The following NAV2 variants were observed in gnomAD, a reference collection of about 807,000 sequenced individuals.
The protein encoded by NAV2 is neuron navigator 2.
Under a neutral mutation model 223.2 loss-of-function variants are expected in NAV2, and 54 were observed. The ratio of observed to expected loss-of-function variants is 0.24; its 90% confidence interval spans 0.19 to 0.30. The LOEUF (loss-of-function observed/expected upper bound fraction) is 0.30. NAV2 is among the 10% of genes least tolerant of loss of function. The probability of loss-of-function intolerance (pLI) is 1.00; values close to 1 mark genes in which losing one functional copy is unlikely to be tolerated. For missense variants in NAV2, 2,806 were observed against 3,147.5 expected, an observed-to-expected ratio of 0.89 and a Z score of 2.60; for synonymous variants, 1,279 against 1,239.3, an observed-to-expected ratio of 1.03 and a Z score of -0.67.
chr11:19,657,130 G>A (rs913863848), intron 1 of NAV2, among the ~76,000 whole-genome samples: 56 of 152,126 alleles, frequency 3.7e-4, no homozygotes, highest in African/African-American at 1.3e-3. Context: ...GAGGCTGGGG[G>A]TGTATTAAAA....
At chr11:19,831,938 A>C (rs900832776) in intron 1 of NAV2, among the ~76,000 whole-genome samples, 5 of 152,188 alleles carry the variant, frequency 3.3e-5, no homozygotes, top group Non-Finnish European at 7.3e-5. Flanking sequence ...GCCATAAATA[A>C]CTTCACTCAC....
chr11:19,421,100 C>T lies in NAV2; in HGVS notation c.75+70073C>T, dbSNP rs1850591020. 2.0e-5 allele frequency among the ~76,000 whole-genome samples: 3 copies of T among 152,294 alleles called. No homozygotes were observed. In the South Asian group the frequency reaches 6.2e-4, roughly 32 times the overall value. On this transcript the variant is annotated intron_variant, in intron 1 of 37. Coordinates refer to the NAV2 transcript ENST00000360655. ...GGCCTTGGCTTTGATGCTGTGGCTG[C>T]TGGTGGAGGGGTCATAGTCGATGGA...
chr11:20,108,229 A>C (rs1384139443), intron 36 of NAV2, among the ~76,000 whole-genome samples: 1 of 152,194 alleles, frequency 6.6e-6, no homozygotes, highest in Non-Finnish European at 1.5e-5. Context: ...AGAAAAAATG[A>C]GGCTCAAAGA....
intron 1 of NAV2, among the ~76,000 whole-genome samples, chr11:19,820,192 G>A (rs1188301023): frequency 2.6e-5 from 4 of 152,242 alleles, no homozygotes; most frequent in African/African-American, 9.6e-5. Flanking sequence ...CTTAGGTGTG[G>A]CTGCCCTGTC....
intron 10 of NAV2, among the ~76,000 whole-genome samples, chr11:19,965,993 C>T (rs778927221): frequency 1.3e-5 from 2 of 152,204 alleles, no homozygotes; most frequent in Non-Finnish European, 2.9e-5. Flanking sequence ...CTCCACATGG[C>T]GTGGCTTCCT....
At chr11:19,766,101 T>C (rs562308885) in intron 1 of NAV2, among the ~76,000 whole-genome samples, 1 of 152,002 alleles carries the variant, frequency 6.6e-6, no homozygotes, top group South Asian at 2.1e-4. Flanking sequence ...AATATATCCA[T>C]ATAAGGACAA....
intron 1 of NAV2, among the ~76,000 whole-genome samples, chr11:19,404,373 TCTTGCCTA>T (rs1327755794): frequency 1.3e-5 from 2 of 152,186 alleles, no homozygotes; most frequent in African/African-American, 2.4e-5. Flanking sequence ...ACGTCAGGCT[TCTTGCCTA>T]CTGGTGAGTT....
rs2058936331 is a variant in NAV2, at chr11:19,813,356, T to C, written c.268-19128T>C. 2.0e-5 allele frequency among the ~76,000 whole-genome samples: 3 copies of C among 152,190 alleles called. No homozygotes were observed. In the South Asian group the frequency reaches 6.2e-4, roughly 32 times the overall value. ...GTGAAGTTTGCACAGTCCCTTGGCC[T>C]AGAGCTTCATGCCCAGCTTTTGCCA... is the stretch of plus-strand genomic sequence containing the variant. On this transcript the variant is annotated intron_variant, in intron 1 of 37. Transcript: ENST00000349880.
At chr11:19,655,268 A>G (rs2048086649) in intron 1 of NAV2, among the ~76,000 whole-genome samples, 1 of 152,236 alleles carries the variant, frequency 6.6e-6, no homozygotes, top group Non-Finnish European at 1.5e-5. Context: ...ATGTGAAGAA[A>G]TAGGAATGCT....
chr11:19,687,972 T>A (rs2049070460), intron 1 of NAV2, among the ~76,000 whole-genome samples: 2 of 152,164 alleles, frequency 1.3e-5, no homozygotes, highest in Non-Finnish European at 2.9e-5. Context: ...CTGACTCTCA[T>A]CCTCCATCCA....
intron 1 of NAV2, among the ~76,000 whole-genome samples, chr11:19,504,080 A>G (rs2043044607): frequency 6.6e-6 from 1 of 152,234 alleles, no homozygotes; most frequent in Non-Finnish European, 1.5e-5. Flanking sequence ...ATCATATGTC[A>G]TCAAGCAAAT....
chr11:19,346,332 G>T (rs1335709735), upstream of NAV2, among the ~76,000 whole-genome samples: 1 of 152,224 alleles, frequency 6.6e-6, no homozygotes, highest in Non-Finnish European at 1.5e-5. Flanking sequence ...ATGTGTTGGT[G>T]GGGGTGGTGT....
At chr11:19,942,181 G>T (rs1188849159) in intron 8 of NAV2, among the ~76,000 whole-genome samples, 2 of 152,188 alleles carry the variant, frequency 1.3e-5, no homozygotes, top group Non-Finnish European at 2.9e-5. Context: ...TTGTGTTCAG[G>T]CTGTGAGTTA....
intron 1 of NAV2, among the ~76,000 whole-genome samples, chr11:19,633,830 G>T (rs138594546): frequency 6.6e-6 from 1 of 152,196 alleles, no homozygotes; most frequent in Admixed American, 6.5e-5. Flanking sequence ...GGCCTAGTTT[G>T]GATTCCAAGC....
At chr11:19,797,503 TTC>T (rs2057986418) in intron 1 of NAV2, among the ~76,000 whole-genome samples, 1 of 152,132 alleles carries the variant, frequency 6.6e-6, no homozygotes, top group South Asian at 2.1e-4. Flanking sequence ...ATGCCATTCA[TTC>T]TCTCTTTTTC....
intron 1 of NAV2, among the ~76,000 whole-genome samples, chr11:19,432,378 A>C (rs1438553386): frequency 6.6e-6 from 1 of 152,226 alleles, no homozygotes. Flanking sequence ...GCTGATCAGC[A>C]GCTGCTAGGA....
chr11:19,801,411 C>T (rs1206389391), intron 1 of NAV2, among the ~76,000 whole-genome samples: 1 of 152,246 alleles, frequency 6.6e-6, no homozygotes, highest in African/African-American at 2.4e-5. Context: ...GTGTCCTCTC[C>T]AAGCCCAGCA....
At chr11:20,062,249 C>T in intron 19 of NAV2, 58 bp from the exon 20 acceptor site, 8 of 1,274,114 alleles carry the variant, frequency 6.3e-6, no homozygotes, top group Admixed American at 1.7e-5. Flanking sequence ...CTCCCCTGTC[C>T]CCTTTTTGGT....
At chr11:19,461,044 T>C (rs1005179694) in intron 1 of NAV2, among the ~76,000 whole-genome samples, 1 of 152,310 alleles carries the variant, frequency 6.6e-6, no homozygotes, top group African/African-American at 2.4e-5. Flanking sequence ...GCAGCTTCCG[T>C]CTACAGAGTT....
Sources: allele counts gnomAD v4.1 joint callset (sites outside exome capture counted in the v4.1 genomes callset), GRCh38; gene constraint gnomAD v4.1.1; transcripts MANE v1.5; gene names NCBI Gene and HGNC (gene_info 2026-07-23, HGNC 2026-07-21).